The following VTCN1 variants were observed in gnomAD, a reference collection of about 807,000 sequenced individuals.
VTCN1 encodes V-set domain containing T cell activation inhibitor 1, also known as V-set domain-containing T-cell activation inhibitor 1.
Under a neutral mutation model 26.5 loss-of-function variants are expected in VTCN1, and 26 were observed. That is an observed-to-expected ratio of 0.98 (90% CI 0.72 to 1.36). VTCN1 has a LOEUF of 1.36. Ranked by LOEUF, VTCN1 falls within the 40% of genes most tolerant of loss-of-function variation. The probability of loss-of-function intolerance (pLI) is 0.00; values close to 1 mark genes in which losing one functional copy is unlikely to be tolerated. For synonymous variants in VTCN1, 116 were observed against 130.7 expected, an observed-to-expected ratio of 0.89 and a Z score of 0.77; for missense variants, 298 against 337.7, an observed-to-expected ratio of 0.88 and a Z score of 0.92.
intron 1 of VTCN1, chr1:117,172,334 G>A (rs1337359446): frequency 1.9e-6 from 1 of 518,582 alleles, no homozygotes; most frequent in African/African-American, 1.9e-5. Flanking sequence ...AGCAAGCGAA[G>A]CTTTAAATAA....
chr1:117,202,168 C>G (rs1038205390), intron 1 of VTCN1, among the ~76,000 whole-genome samples: 1 of 152,224 alleles, frequency 6.6e-6, no homozygotes, highest in Non-Finnish European at 1.5e-5. Flanking sequence ...CTGTTATATT[C>G]TGTTCCTGAA....
In VTCN1 at chr1:117,146,887, G is replaced by A. The variant is rs1481908882; in HGVS notation, c.*45+726C>T. Among the ~76,000 whole-genome samples, 2 of 152,138 alleles carry A rather than the reference G, an allele frequency of 1.3e-5. No homozygotes were observed. Among genetic ancestry groups the A allele is most frequent in the African/African-American group, 4.8e-5 (2 of 41,424 alleles). ...CAGGTACAGTGTTTCAAAACCAGTC[G>A]GGGTGTGAGATGATGAAGGCTGGAT... On this transcript the variant is annotated intron_variant, in intron 5 of 5. Coordinates refer to ENST00000369458, the MANE Select transcript of VTCN1 (RefSeq NM_024626.4). The surrounding 1 kb of genome is among the most constrained non-coding windows in gnomAD (Gnocchi z 4.2).
chr1:117,186,195 G>A (rs1343844302), intron 1 of VTCN1, among the ~76,000 whole-genome samples: 2 of 152,156 alleles, frequency 1.3e-5, no homozygotes, highest in South Asian at 4.1e-4. Context: ...GATCTGAAAG[G>A]CATAGTTTGG....
Position 117,175,789 on chromosome 1 carries a change from G to C in VTCN1, c.33-5618C>G, listed in dbSNP as rs1485988846. ...TCTCTCTCTCTTTTTTTTTTTTTTT[G>C]AGATGGAGTTTCACTCTGTTGCCCA... is the stretch of plus-strand genomic sequence containing the variant. On this transcript the variant is annotated intron_variant, in intron 1 of 5. Transcript: ENST00000369458. This position sits in a 1 kb window ranked among gnomAD's most constrained non-coding sequence, Gnocchi z 4.2. Among the ~76,000 whole-genome samples the C allele has an allele frequency of 9.7e-6, 1 of 102,736 alleles. No individual in the cohort carries two copies. The highest frequency in any genetic ancestry group is 1.8e-5 in the Non-Finnish European group (1 of 54,402). The allele number at this position is 102,736 out of a possible 152,430, so 67.4% of individuals were successfully genotyped here. A position where few individuals can be genotyped will look rare whatever the true frequency, so the allele number is the denominator to read the frequency against.
At chr1:117,193,858 C>T (rs373818626) in intron 1 of VTCN1, among the ~76,000 whole-genome samples, 2 of 152,108 alleles carry the variant, frequency 1.3e-5, no homozygotes, top group Non-Finnish European at 2.9e-5. Context: ...TTACACCACA[C>T]ACAAACATTA....
chr1:117,147,533 T>A lies in VTCN1; in HGVS notation c.*45+80A>T, dbSNP rs771022740. The A allele has an allele frequency of 1.8e-5, 22 of 1,191,584 alleles. No homozygotes were observed. The highest frequency in any genetic ancestry group is 2.2e-5 in the Non-Finnish European group (19 of 863,514). The allele number at this position is 1,191,584 out of a possible 1,614,324, so 73.8% of individuals were successfully genotyped here. On this transcript the variant is annotated intron_variant, in intron 5 of 5. Transcript: ENST00000369458. The surrounding 1 kb of genome is among the most constrained non-coding windows in gnomAD (Gnocchi z 4.6). ...ATTAAATGTTTCTTTCTGTGGCTGATGCTGAAGGCTATCCGACTCTCATTA... is the reference window on the plus strand; with the variant it reads ...ATTAAATGTTTCTTTCTGTGGCTGAAGCTGAAGGCTATCCGACTCTCATTA...
intron 1 of VTCN1, among the ~76,000 whole-genome samples, chr1:117,184,383 T>A (rs1333183058): frequency 6.6e-6 from 1 of 152,104 alleles, no homozygotes; most frequent in African/African-American, 2.4e-5. Context: ...GTCTCTGCCA[T>A]CCCTGACCAA....
intron 1 of VTCN1, among the ~76,000 whole-genome samples, chr1:117,206,886 T>C (rs974950690): frequency 6.6e-6 from 1 of 152,198 alleles, no homozygotes; most frequent in Non-Finnish European, 1.5e-5. Flanking sequence ...TTTCTTCCAA[T>C]GTACAATTTA....
chr1:117,194,993 C>T (rs1373849947), intron 1 of VTCN1, among the ~76,000 whole-genome samples: 4 of 151,940 alleles, frequency 2.6e-5, no homozygotes, highest in Admixed American at 6.6e-5. Context: ...AGGCCGGGCA[C>T]GGTGGCTCAT....
rs758737345 is a variant in VTCN1, at chr1:117,147,631, T to TTTTGTG, written c.*26_*27insCACAAA. 62 of 1,609,906 alleles carry TTTTGTG rather than the reference T, an allele frequency of 3.9e-5. No homozygotes were observed. The African/African-American group carries it at 7.0e-4, about 18-fold the overall frequency. ...ATCTCACCTGTTGTAACAATGACTT[T>TTTTGTG]GCATGCTTTTTTGTGGCCGAGGCAC... On this transcript the variant is annotated 3_prime_UTR_variant, in exon 5 of 6. Transcript: ENST00000369458. The surrounding 1 kb of genome is among the most constrained non-coding windows in gnomAD (Gnocchi z 4.6).
rs996379886 is a variant in VTCN1 at position 117,190,217 on chromosome 1, C to T, written c.33-20046G>A. Among the ~76,000 whole-genome samples the T allele has an allele frequency of 2.6e-4, 40 of 152,216 alleles. 1 individual carries two copies. The highest frequency in any genetic ancestry group is 1.8e-3 in the Admixed American group (27 of 15,278). On this transcript the variant is annotated intron_variant, in intron 1 of 5. Transcript: ENST00000369458. ...TGGGAGACATAGCTGTCTGTGCCCA[C>T]GAAGACAGACTTGCCAATCTCAGTC...
At chr1:117,149,913 G>A (rs1231867578) in intron 4 of VTCN1, among the ~76,000 whole-genome samples, 2 of 152,224 alleles carry the variant, frequency 1.3e-5, no homozygotes, top group Admixed American at 6.5e-5. Context: ...TTTCATCCTA[G>A]CCTGACACTT....
chr1:117,209,738 C>A (rs1277992807), intron 1 of VTCN1, among the ~76,000 whole-genome samples: 2 of 152,236 alleles, frequency 1.3e-5, no homozygotes, highest in Admixed American at 1.3e-4. Flanking sequence ...GCAGCCACCC[C>A]CACCAGCCCT....
Position 117,147,861 on chromosome 1 carries a change from A to G in VTCN1, c.725-79T>C. Reference sequence around the variant, plus strand: ...TTCACATGACTGGTTAGCAAAGAAAAGTACCTGAAAAACAGAACAAGTTGT... The same window carrying G: ...TTCACATGACTGGTTAGCAAAGAAAGGTACCTGAAAAACAGAACAAGTTGT... On this transcript the variant is annotated intron_variant, in intron 4 of 5. Coordinates refer to ENST00000369458, the MANE Select transcript of VTCN1 (RefSeq NM_024626.4). The surrounding 1 kb of genome is among the most constrained non-coding windows in gnomAD (Gnocchi z 4.6). 13 of 1,530,550 alleles carry G rather than the reference A, an allele frequency of 8.5e-6. No homozygotes were observed. Among genetic ancestry groups the G allele is most frequent in the Non-Finnish European group, 1.1e-5 (13 of 1,142,950 alleles). The allele number at this position is 1,530,550 out of a possible 1,614,324, so 94.8% of individuals were successfully genotyped here.
chr1:117,200,511 T>G (rs956223846), intron 1 of VTCN1, among the ~76,000 whole-genome samples: 3 of 152,208 alleles, frequency 2.0e-5, no homozygotes, highest in Non-Finnish European at 4.4e-5. Context: ...TTGAGCTAGG[T>G]GGACTCCAAG....
chr1:117,189,570 A>G (rs1469819041), intron 1 of VTCN1, among the ~76,000 whole-genome samples: 6 of 152,158 alleles, frequency 3.9e-5, no homozygotes, highest in African/African-American at 1.2e-4. Flanking sequence ...ACCCCAAAAT[A>G]ACTCTCATCT....
At chr1:117,197,569 G>A (rs574503349) in intron 1 of VTCN1, among the ~76,000 whole-genome samples, 36 of 152,176 alleles carry the variant, frequency 2.4e-4, no homozygotes, top group Admixed American at 8.5e-4. Context: ...TACATAGGGC[G>A]TACACCAAGT....
In VTCN1 at chr1:117,153,278, C is replaced by A; in HGVS notation, c.537G>T (p.Val179=). The A allele has an allele frequency of 1.2e-6, 2 of 1,614,064 alleles. No homozygotes were observed. Among genetic ancestry groups the A allele is most frequent in the Non-Finnish European group, 1.7e-6 (2 of 1,180,004 alleles). Residue 179 remains valine, a synonymous_variant, in exon 4 of 6, where the codon GTG becomes GTT. Coordinates refer to ENST00000369458, the MANE Select transcript of VTCN1 (RefSeq NM_024626.4). The part of the protein sequence containing the change: ...EAPRWFPQPT[V]VWASQVDQGA... ...CCTGGTCAACTTGGGATGCCCAGAC[C>A]ACTGTGGGCTGGGGGAACCATCGGG...
intron 4 of VTCN1, among the ~76,000 whole-genome samples, chr1:117,150,986 T>G (rs1022306115): frequency 6.6e-6 from 1 of 152,200 alleles, no homozygotes; most frequent in Non-Finnish European, 1.5e-5. Flanking sequence ...CTATTGTATG[T>G]GTATACCATA....
Sources: gnomAD v4.1 joint callset for allele counts (sites outside exome capture counted in the v4.1 genomes callset) on GRCh38, gnomAD v4.1.1 for gene constraint, Gnocchi (gnomAD v3.1) non-coding constraint, MANE v1.5 for transcripts, NCBI Gene and HGNC (gene_info 2026-07-23, HGNC 2026-07-21) for gene names.